Variants in SNTG1 observed in about 807,000 individuals in gnomAD.
SNTG1 encodes the protein gamma-1-syntrophin.
A neutral mutation model predicts 74.7 loss-of-function variants in SNTG1; 39 were observed. The observed-to-expected ratio is 0.52, with a 90% CI of 0.40 to 0.68. The LOEUF is 0.68. Among genes scored for constraint, SNTG1 ranks in the 30% least tolerant of loss-of-function variants. The pLI is 0.00. For synonymous variants in SNTG1, 254 were observed against 217.1 expected (o/e 1.17, Z -1.49); for missense variants, 685 against 609.5 (o/e 1.12, Z -1.30).
At chr8:50,708,051 A>C in intron 16 of SNTG1, 1 of 253,250 alleles carries the variant, frequency 3.9e-6, no homozygotes, top group Non-Finnish European at 7.4e-6. Context: ...AAATACAAAA[A>C]TTAGCCAGGC....
intron 2 of SNTG1, among the ~76,000 whole-genome samples, chr8:50,368,560 A>G (rs2092181119): frequency 1.3e-5 from 2 of 152,188 alleles, no homozygotes; most frequent in East Asian, 3.9e-4. Flanking sequence ...CCATATCAGC[A>G]GAAGCCAGGA....
At chr8:50,614,966 G>T (rs1218778594) in intron 13 of SNTG1, among the ~76,000 whole-genome samples, 1 of 145,936 alleles carries the variant, frequency 6.9e-6, no homozygotes, top group Non-Finnish European at 1.5e-5. Context: ...TTTTTGAGAC[G>T]GAGTCTCACT....
chr8:50,085,401 G>A lies in SNTG1; in HGVS notation c.-102-87160G>A, dbSNP rs113212567. On this transcript the variant is annotated intron_variant, in intron 1 of 18. Coordinates refer to ENST00000642720, the MANE Select transcript of SNTG1 (RefSeq NM_018967.5). ...TACCAGAATGCCTTTATAGGCATGG[G>A]TAGGCAGTCCTGGATAATGCAAACA... is the stretch of plus-strand genomic sequence containing the variant. Among the ~76,000 whole-genome samples the A allele has an allele frequency of 7.2e-5, 11 of 152,268 alleles. 1 individual carries two copies. The highest frequency in any genetic ancestry group is 2.4e-4 in the African/African-American group (10 of 41,556).
At chr8:50,289,398 CA>C (rs1208073380) in intron 2 of SNTG1, among the ~76,000 whole-genome samples, 1 of 152,178 alleles carries the variant, frequency 6.6e-6, no homozygotes, top group Admixed American at 6.5e-5. Context: ...GTAGCACAAT[CA>C]TGCATAACAG....
At chr8:50,094,102 A>G (rs1412854726) in intron 1 of SNTG1, among the ~76,000 whole-genome samples, 1 of 152,068 alleles carries the variant, frequency 6.6e-6, no homozygotes, top group Non-Finnish European at 1.5e-5. Flanking sequence ...GTGTTTGCTG[A>G]AATTATATGT....
intron 17 of SNTG1, among the ~76,000 whole-genome samples, chr8:50,722,121 TATATATAC>T (rs1241634104): frequency 1.3e-5 from 2 of 151,962 alleles, no homozygotes; most frequent in South Asian, 2.1e-4. Flanking sequence ...TATGTATGTA[TATATATAC>T]ATATATATGT....
At chr8:50,173,261 T>A (rs1167933613) in intron 2 of SNTG1, among the ~76,000 whole-genome samples, 1 of 152,178 alleles carries the variant, frequency 6.6e-6, no homozygotes, top group East Asian at 1.9e-4. Flanking sequence ...AGTGTTACTT[T>A]AGGAAGGAAT....
At chr8:50,637,221 C>T (rs1209316184) in intron 13 of SNTG1, among the ~76,000 whole-genome samples, 1 of 151,980 alleles carries the variant, frequency 6.6e-6, no homozygotes, top group African/African-American at 2.4e-5. Context: ...GTATTTTGTC[C>T]TTGCTTGCTT....
chr8:50,466,238 TATTTA>T (rs1356886640), intron 8 of SNTG1, among the ~76,000 whole-genome samples: 4 of 152,102 alleles, frequency 2.6e-5, no homozygotes, highest in South Asian at 2.1e-4. Flanking sequence ...GTAACACTTA[TATTTA>T]ATTTAATTTT....
At position 50,486,093 on chromosome 8, in the gene SNTG1, G is replaced by T. The variant is rs1336167074; in HGVS notation, c.364-16685G>T. On this transcript the variant is annotated intron_variant, in intron 8 of 18. Coordinates refer to ENST00000642720, the MANE Select transcript of SNTG1 (RefSeq NM_018967.5). ...GAAGTCAGGTAGTGTGATGCCTCCA[G>T]CTTTGTTCTTTTGGCTTAGGATTGA... 9.2e-4 allele frequency among the ~76,000 whole-genome samples: 140 copies of T among 152,294 alleles called. 2 individuals are homozygous for T. In the South Asian group the frequency reaches 0.027, roughly 29 times the overall value.
At position 50,104,027 on chromosome 8, in the gene SNTG1, T is replaced by G. The variant is rs556767638; in HGVS notation, c.-102-68534T>G. Reference sequence around the variant, plus strand: ...GGATATCAGTCTAAAATTCTCTTTTTTGGTTGTGTCTCTGCCCAGCTTTGG... The same window carrying G: ...GGATATCAGTCTAAAATTCTCTTTTGTGGTTGTGTCTCTGCCCAGCTTTGG... On this transcript the variant is annotated intron_variant, in intron 1 of 18. Transcript: ENST00000642720. 6.6e-5 allele frequency among the ~76,000 whole-genome samples: 10 copies of G among 152,326 alleles called. No homozygotes were observed. The East Asian group carries it at 1.9e-3, about 29-fold the overall frequency.
intron 4 of SNTG1, among the ~76,000 whole-genome samples, chr8:50,412,001 T>C (rs147345563): frequency 1.6e-4 from 25 of 152,246 alleles, no homozygotes; most frequent in African/African-American, 6.0e-4. Context: ...GGTGTTGGTG[T>C]TGTTATTTGA....
rs997018942 is a variant in SNTG1 at position 50,793,870 on chromosome 8, A to G, written c.*1041A>G. On this transcript the variant is annotated 3_prime_UTR_variant, in exon 19 of 19. Transcript: ENST00000642720. The stretch of plus-strand genomic sequence containing the variant: ...TTTATGAGAAACAAAGGTGATATTT[A>G]AAGATAAAAGTTAAAATTCTTTAAC... 2 of 151,934 alleles carry G rather than the reference A, an allele frequency of 1.3e-5. No individual in the cohort carries two copies. Among genetic ancestry groups the G allele is most frequent in the Admixed American group, 6.6e-5 (1 of 15,198 alleles). The allele number at this position is 151,934 out of a possible 1,614,324, so 9.4% of individuals were successfully genotyped here. A position where few individuals can be genotyped will look rare whatever the true frequency, so the allele number is the denominator to read the frequency against.
intron 9 of SNTG1, among the ~76,000 whole-genome samples, chr8:50,510,453 T>C (rs761297576): frequency 6.6e-6 from 1 of 152,222 alleles, no homozygotes; most frequent in Non-Finnish European, 1.5e-5. Context: ...GAGGATTCCC[T>C]CTTTTTCTAT....
At chr8:50,514,004 G>A (rs145200416) in intron 9 of SNTG1, among the ~76,000 whole-genome samples, 3,715 of 152,246 alleles carry the variant, frequency 0.024, 141 homozygotes, top group African/African-American at 0.081. Context: ...CTTCTGCATC[G>A]CTCATGCTGG....
At chr8:49,910,179 G>A (rs1447018078), upstream of SNTG1, among the ~76,000 whole-genome samples, 1 of 152,160 alleles carries the variant, frequency 6.6e-6, no homozygotes, top group East Asian at 1.9e-4. Flanking sequence ...CTTCCCTGTA[G>A]TGTCAGAACA....
At chr8:50,084,468 A>C (rs12375246) in intron 1 of SNTG1, among the ~76,000 whole-genome samples, 47 of 152,276 alleles carry the variant, frequency 3.1e-4, no homozygotes, top group South Asian at 1.0e-3. Context: ...CAAAAAAAAT[A>C]AAATAAAAAA....
chr8:50,387,831 G>C (rs1419347824), intron 2 of SNTG1, among the ~76,000 whole-genome samples: 2 of 152,096 alleles, frequency 1.3e-5, no homozygotes, highest in African/African-American at 4.8e-5. Flanking sequence ...TGGTGGGGTT[G>C]GATCCTCAGG....
chr8:50,734,831 ATATAT>A (rs2095522779), intron 17 of SNTG1, among the ~76,000 whole-genome samples: 1 of 89,236 alleles, frequency 1.1e-5, no homozygotes, highest in Non-Finnish European at 2.2e-5. Flanking sequence ...ATGGACATAT[ATATAT>A]CTATATATAT....
Sources: allele counts gnomAD v4.1 joint callset (sites outside exome capture counted in the v4.1 genomes callset), GRCh38; gene constraint gnomAD v4.1.1; transcripts MANE v1.5; gene names NCBI Gene and HGNC (gene_info 2026-07-23, HGNC 2026-07-21).